Variants in PCNX3 observed in about 807,000 individuals in gnomAD.
PCNX3 encodes pecanex-like protein 3.
In PCNX3, 58 loss-of-function variants were observed where a neutral mutation model predicts 207.2. The ratio of observed to expected loss-of-function variants is 0.28; its 90% CI spans 0.23 to 0.35. The LOEUF (loss-of-function observed/expected upper bound fraction) is 0.35, where lower values mean the gene tolerates loss of function less well. PCNX3 is among the 10% of genes least tolerant of loss of function. PCNX3 has a pLI of 1.00. For synonymous variants in PCNX3, 1,337 were observed against 1,183.5 expected (o/e 1.13, Z -2.66); for missense variants, 2,410 against 2,774.4 (o/e 0.87, Z 2.95).
At position 65,630,498 on chromosome 11, in the gene PCNX3, C is replaced by T; in HGVS notation, c.4364C>T (p.Thr1455Ile). The T allele has an allele frequency of 6.2e-7, 1 of 1,613,546 alleles. No homozygotes were observed. Among genetic ancestry groups the T allele is most frequent in the African/African-American group, 1.3e-5 (1 of 75,054 alleles). ...FGQRWLAWEV[T>I]ASKYVLEGYS... ...CAGCGCTGGCTGGCTTGGGAGGTAA[C>T]AGCCAGCAAGTACGTGCTGGAGGGC... is the stretch of plus-strand genomic sequence containing the variant. Residue 1455 changes from threonine (T) to isoleucine (I), a missense_variant, in exon 27 of 35, where the codon ACA becomes ATA. Physicochemically the swap from Thr to Ile is moderately conservative, Grantham distance 89 (BLOSUM62 -1). Around this residue, in one of 8 missense-constraint regions of PCNX3, gnomAD observed 420 missense variants for 705.3 expected, o/e 0.60. Coordinates refer to ENST00000355703, the MANE Select transcript of PCNX3 (RefSeq NM_032223.4).
intron 9 of PCNX3, 61 bp from the exon 10 acceptor site, chr11:65,620,770 C>G: frequency 6.4e-7 from 1 of 1,560,940 alleles, no homozygotes; most frequent in East Asian, 2.4e-5. Flanking sequence ...GCCTCGGCCT[C>G]GACCCCACCC....
intron 27 of PCNX3, among the ~76,000 whole-genome samples, chr11:65,633,352 T>C (rs1855690820): frequency 6.6e-6 from 1 of 152,140 alleles, no homozygotes; most frequent in Non-Finnish European, 1.5e-5. Flanking sequence ...GCCCGTGGCT[T>C]TTTTCTGAGG....
intron 22 of PCNX3, among the ~76,000 whole-genome samples, chr11:65,628,179 C>T (rs1369743390): frequency 6.6e-6 from 1 of 152,170 alleles, no homozygotes; most frequent in African/African-American, 2.4e-5. Flanking sequence ...GTCATCCACA[C>T]TGCGTACCCT....
chr11:65,629,090 C>A, intron 24 of PCNX3, 142 bp downstream of exon 24: 1 of 1,289,272 alleles, frequency 7.8e-7, no homozygotes. Context: ...GGCGGCAGAT[C>A]CAATGCAGGG....
At chr11:65,627,687 T>C in intron 22 of PCNX3, 105 bp downstream of exon 22, 1 of 1,381,194 alleles carries the variant, frequency 7.2e-7, no homozygotes, top group Non-Finnish European at 1.0e-6. Flanking sequence ...GCCACCGCTC[T>C]GTATCAGCCC....
intron 20 of PCNX3, chr11:65,626,685 A>G (rs1047173917): frequency 3.3e-6 from 2 of 610,418 alleles, no homozygotes; most frequent in African/African-American, 1.9e-5. Flanking sequence ...ACAGCAGAGC[A>G]GAGCACCTGC....
At chr11:65,617,544 C>T (rs780553919) in intron 4 of PCNX3, 35 bp downstream of exon 4, 2 of 1,613,930 alleles carry the variant, frequency 1.2e-6, no homozygotes, top group East Asian at 2.2e-5. Flanking sequence ...GAGCATAGTG[C>T]TGTGGAACAG....
chr11:65,627,393 C>T lies in PCNX3; in HGVS notation c.3525-12C>T, dbSNP rs116681618. ...CCCTACCAAGCACCCGATGCCTGCC[C>T]CTTGCCCACAGCTGCCGGGCGCTGC... On this transcript the variant is annotated splice_polypyrimidine_tract_variant and intron_variant, in intron 21 of 34. Coordinates refer to ENST00000355703, the MANE Select transcript of PCNX3 (RefSeq NM_032223.4). 188 of 1,605,420 alleles carry T rather than the reference C, an allele frequency of 1.2e-4. No individual in the cohort carries two copies. In the African/African-American group the frequency reaches 2.2e-3, roughly 19 times the overall value.
rs1854794469 is a variant in PCNX3 at position 65,617,346 on chromosome 11, C to T, written c.438C>T (p.Val146=). 1 of 1,613,166 alleles carries T rather than the reference C, an allele frequency of 6.2e-7. No homozygotes were observed. Among genetic ancestry groups the T allele is most frequent in the South Asian group, 1.1e-5 (1 of 90,922 alleles). ...ACTCTGTGTTTGGCTTCAACCAGGT[C>T]TCGGTGAGTGGGCCTGGACCTCAGC... ...SQHSVFGFNQ[V]SELLPRMEDS... Residue 146 remains valine (V), a synonymous_variant, in exon 3 of 35, where the codon GTC becomes GTT. Transcript: ENST00000355703.
Position 65,636,886 on chromosome 11 carries a change from G to T in PCNX3, c.6013G>T (p.Gly2005Cys), listed in dbSNP as rs1236029644. Residue 2005 changes from glycine (G) to cysteine (C), a missense_variant, in exon 35 of 35, where the codon GGC (glycine) becomes TGC (cysteine). Physicochemically the swap from Gly to Cys is radical, Grantham distance 159 (BLOSUM62 -3). This residue lies in a region of PCNX3 where 278 missense variants were observed against 245.1 expected (regional missense o/e 1.13). Coordinates refer to ENST00000355703, the MANE Select transcript of PCNX3 (RefSeq NM_032223.4). ...CTTGGACAGCAGTGCCCCTGAGAGTGGCACACCTATGGGTGCCCTGGGCGA... is the reference window on the plus strand; with the variant it reads ...CTTGGACAGCAGTGCCCCTGAGAGTTGCACACCTATGGGTGCCCTGGGCGA... Reference protein sequence around the residue: ...PCLDSSAPESGTPMGALGDWP... With the variant: ...PCLDSSAPESCTPMGALGDWP... 2 of 1,553,532 alleles carry T rather than the reference G, an allele frequency of 1.3e-6. No homozygotes were observed.
At position 65,624,494 on chromosome 11, in the gene PCNX3, G is replaced by A. The variant is rs376459705; in HGVS notation, c.2740G>A (p.Val914Ile). ...ATVFTLCFPFVFLLGLLPQVN... is the reference protein window; with the variant it reads ...ATVFTLCFPFIFLLGLLPQVN... The stretch of plus-strand genomic sequence containing the variant: ...AGTGTTCACCCTGTGCTTCCCCTTC[G>A]TCTTCCTCCTGGGCCTCCTGCCCCA... The change falls in exon 15 of 35, where the codon GTC becomes ATC. Residue 914 changes from valine (V) to isoleucine (I), a missense_variant. This residue lies in a region of PCNX3 where 18 missense variants were observed against 46.2 expected (regional missense o/e 0.39). Transcript: ENST00000355703. 2.6e-5 allele frequency: 42 copies of A among 1,605,362 alleles called. No individual in the cohort carries two copies. In the African/African-American group the frequency reaches 3.2e-4, roughly 12 times the overall value.
At position 65,616,483 on chromosome 11, in the gene PCNX3, CTG is replaced by C; in HGVS notation, c.153+21_153+22del. ...GTACATGGTGAGACGCCACGGCCAC[CTG>C]TAACTCCAGCCGGGAGAGGGAGGGC... is the stretch of plus-strand genomic sequence containing the variant. On this transcript the variant is annotated intron_variant, in intron 1 of 34. Transcript: ENST00000355703. The C allele has an allele frequency of 6.3e-7, 1 of 1,593,498 alleles. No individual in the cohort carries two copies. Among genetic ancestry groups the C allele is most frequent in the Middle Eastern group, 1.7e-4 (1 of 6,032 alleles).
In PCNX3 at chr11:65,625,362, G is replaced by C; in HGVS notation, c.3030-43G>C. On this transcript the variant is annotated intron_variant, in intron 17 of 34. Transcript: ENST00000355703. This position sits in a 1 kb window ranked among gnomAD's most constrained non-coding sequence, Gnocchi z 5.6. ...GCATGTGCCCGTGACTGGGGCCGGG[G>C]GGAAGGAGGGGCGGCCTCCTCCTGA... 1 of 1,594,682 alleles carries C rather than the reference G, an allele frequency of 6.3e-7. No homozygotes were observed. Among genetic ancestry groups the C allele is most frequent in the Non-Finnish European group, 8.5e-7 (1 of 1,172,460 alleles).
intron 11 of PCNX3, among the ~76,000 whole-genome samples, 188 bp from the exon 12 acceptor site, chr11:65,623,303 A>G (rs1484831446): frequency 3.3e-5 from 5 of 152,224 alleles, no homozygotes; most frequent in East Asian, 1.9e-4. Context: ...GAGCAATACA[A>G]TGGTCGCTGG....
chr11:65,617,164 G>A (rs1321669800), intron 2 of PCNX3, 86 bp from the exon 3 acceptor site: 1 of 1,434,814 alleles, frequency 7.0e-7, no homozygotes, highest in African/African-American at 1.4e-5. Context: ...AGTGACTTCT[G>A]AAAAAGAAGC....
At chr11:65,622,500 T>A in intron 11 of PCNX3, 134 bp downstream of exon 11, 1 of 1,190,412 alleles carries the variant, frequency 8.4e-7, no homozygotes, top group Non-Finnish European at 1.1e-6. Context: ...TGTCGTTGGC[T>A]GGAGTCTGCA....
rs1459125181 is a variant in PCNX3, at chr11:65,618,313, G to A, written c.951G>A (p.Lys317=). 2 of 1,610,170 alleles carry A rather than the reference G, an allele frequency of 1.2e-6. No homozygotes were observed. The highest frequency in any genetic ancestry group is 1.1e-5 in the South Asian group (1 of 91,036). Residue 317 remains lysine (K), a synonymous_variant, in exon 6 of 35, where the codon AAG becomes AAA. Coordinates refer to ENST00000355703, the MANE Select transcript of PCNX3 (RefSeq NM_032223.4). ...CATTGAGCAGCTTCAAGAGTGAGAA[G>A]ACCAACTCCACCCATCTGGACAGCC... ...RETLSSFKSE[K]TNSTHLDSPP...
At chr11:65,619,117 T>A in intron 6 of PCNX3, 50 bp downstream of exon 6, 1 of 1,468,634 alleles carries the variant, frequency 6.8e-7, no homozygotes, top group Non-Finnish European at 9.2e-7. Flanking sequence ...GCTACGGGCT[T>A]GGGGTTGGGC....
rs751734691 is a variant in PCNX3, at chr11:65,625,762, C to T, written c.3228+18C>T. 35 of 1,604,472 alleles carry T rather than the reference C, an allele frequency of 2.2e-5. No homozygotes were observed. The highest frequency in any genetic ancestry group is 1.3e-4 in the Admixed American group (8 of 59,562). On this transcript the variant is annotated intron_variant, in intron 19 of 34. Coordinates refer to ENST00000355703, the MANE Select transcript of PCNX3 (RefSeq NM_032223.4). This position sits in a 1 kb window ranked among gnomAD's most constrained non-coding sequence, Gnocchi z 5.6. ...CCCTGAAGGTTTGTGTGGCATGGGC[C>T]GCTGCTGCCTCTCGCTGTCTTGGCG...
Sources: gnomAD v4.1 joint callset for allele counts (sites outside exome capture counted in the v4.1 genomes callset) on GRCh38, gnomAD v4.1.1 for gene constraint, gnomAD v4.1.1 regional missense constraint, Gnocchi (gnomAD v3.1) non-coding constraint, MANE v1.5 for transcripts, NCBI Gene and HGNC (gene_info 2026-07-23, HGNC 2026-07-21) for gene names.